CLPX: variants seen among roughly 807,000 people sequenced by gnomAD.
CLPX encodes the protein ATP-dependent clpX-like chaperone, mitochondrial.
Under a neutral mutation model 76.4 loss-of-function variants are expected in CLPX, and 34 were observed. That is an observed-to-expected ratio of 0.45 (90% CI 0.34 to 0.59). The LOEUF (loss-of-function observed/expected upper bound fraction) is 0.59, where lower values mean the gene tolerates loss of function less well. Among genes scored for constraint, CLPX ranks in the 20% least tolerant of loss-of-function variants. CLPX has a pLI of 0.01. For missense variants in CLPX, 613 were observed against 757.0 expected (o/e 0.81, Z 2.23); for synonymous variants, 248 against 270.9 (o/e 0.92, Z 0.83).
In CLPX at chr15:65,149,084, C is replaced by T. The variant is rs2140602359; in HGVS notation, c.*1739G>A. 1 of 152,310 alleles carries T rather than the reference C, an allele frequency of 6.6e-6. No homozygotes were observed. Among genetic ancestry groups the T allele is most frequent in the Middle Eastern group, 3.4e-3 (1 of 294 alleles). 9.4% of individuals were successfully genotyped at this position (152,310 alleles called of 1,614,324 possible). A position where few individuals can be genotyped will look rare whatever the true frequency, so the allele number is the denominator to read the frequency against. On this transcript the variant is annotated 3_prime_UTR_variant, in exon 14 of 14. Coordinates refer to ENST00000300107, the MANE Select transcript of CLPX (RefSeq NM_006660.5). ...CCAAAAAACAAAACAAAAAAACTAG[C>T]TCAATACTTCAGGTTAAATACACAA...
intron 8 of CLPX, among the ~76,000 whole-genome samples, chr15:65,157,407 T>C (rs1195349597): frequency 3.9e-5 from 6 of 152,052 alleles, no homozygotes; most frequent in Admixed American, 2.0e-4. Flanking sequence ...GTTTCTAGAG[T>C]CATCTGGTAC....
intron 3 of CLPX, among the ~76,000 whole-genome samples, chr15:65,168,308 C>T (rs906270902): frequency 2.6e-4 from 33 of 125,766 alleles, no homozygotes; most frequent in African/African-American, 9.3e-4. Flanking sequence ...GGTATGAACC[C>T]GGGAGGTGGA....
intron 2 of CLPX, among the ~76,000 whole-genome samples, 162 bp from the exon 3 acceptor site, chr15:65,179,213 T>A (rs1401760571): frequency 6.6e-6 from 1 of 152,246 alleles, no homozygotes; most frequent in African/African-American, 2.4e-5. Flanking sequence ...TGTCAGAAGA[T>A]CTATTTACTT....
At position 65,161,688 on chromosome 15, in the gene CLPX, AT is replaced by A. The variant is rs957053454; in HGVS notation, c.715+915del. Among the ~76,000 whole-genome samples the A allele has an allele frequency of 1.5e-4, 23 of 152,116 alleles. No individual in the cohort carries two copies. The East Asian group carries it at 2.5e-3, about 17-fold the overall frequency. ...TGGTATTGACTGCATATCTGAATAT[AT>A]TTTTTTATTATGAAATAAATTACAT... On this transcript the variant is annotated intron_variant, in intron 6 of 13. Transcript: ENST00000300107.
chr15:65,163,739 G>A (rs1046629581), intron 5 of CLPX, among the ~76,000 whole-genome samples: 2 of 152,002 alleles, frequency 1.3e-5, no homozygotes, highest in South Asian at 2.1e-4. Flanking sequence ...CCCCCGCCTC[G>A]GCCTCCAAAC....
rs2087683016 is a variant in CLPX at position 65,148,734 on chromosome 15, A to C, written c.*2089T>G. 7.1e-6 allele frequency: 1 copy of C among 141,038 alleles called. No homozygotes were observed. The highest frequency in any genetic ancestry group is 2.3e-4 in the South Asian group (1 of 4,376). 8.7% of individuals were successfully genotyped at this position (141,038 alleles called of 1,614,324 possible). A position where few individuals can be genotyped will look rare whatever the true frequency, so the allele number is the denominator to read the frequency against. ...AAAGGAAAGCTCGAGTCTATAAACCAAAAAAAAAAACCCACAAATATTTAC... is the reference window on the plus strand; with the variant it reads ...AAAGGAAAGCTCGAGTCTATAAACCCAAAAAAAAAACCCACAAATATTTAC... On this transcript the variant is annotated 3_prime_UTR_variant, in exon 14 of 14. Coordinates refer to ENST00000300107, the MANE Select transcript of CLPX (RefSeq NM_006660.5).
chr15:65,183,851 C>T (rs1271811779), intron 1 of CLPX, among the ~76,000 whole-genome samples: 1 of 152,220 alleles, frequency 6.6e-6, no homozygotes, highest in Non-Finnish European at 1.5e-5. Context: ...AGGCCTGACA[C>T]ACAGTGGACC....
At chr15:65,171,257 GC>G (rs1322046932) in intron 3 of CLPX, among the ~76,000 whole-genome samples, 1 of 151,942 alleles carries the variant, frequency 6.6e-6, no homozygotes, top group Non-Finnish European at 1.5e-5. Flanking sequence ...GACCAGCCTA[GC>G]CAACATAGTG....
intron 1 of CLPX, among the ~76,000 whole-genome samples, chr15:65,181,035 C>A (rs952322723): frequency 8.6e-5 from 13 of 151,540 alleles, no homozygotes; most frequent in Non-Finnish European, 1.6e-4. Context: ...CCTGTCTCTA[C>A]TAAAAATACA....
At chr15:65,181,109 G>A (rs893521888) in intron 1 of CLPX, among the ~76,000 whole-genome samples, 19 of 150,620 alleles carry the variant, frequency 1.3e-4, no homozygotes, top group Admixed American at 1.2e-3. Context: ...TGAGGCAGGC[G>A]AATTGCTTGA....
intron 3 of CLPX, among the ~76,000 whole-genome samples, chr15:65,177,159 C>T (rs922743042): frequency 5.9e-5 from 9 of 151,950 alleles, no homozygotes; most frequent in Non-Finnish European, 1.0e-4. Context: ...ACCTCCACCT[C>T]CCAGGTTCAA....
Position 65,185,119 on chromosome 15 carries a change from G to A in CLPX, c.35C>T (p.Ala12Val). The A allele has an allele frequency of 6.3e-7, 1 of 1,580,840 alleles. No homozygotes were observed. The highest frequency in any genetic ancestry group is 8.6e-7 in the Non-Finnish European group (1 of 1,164,126). ...TGAGGAGGTGATGAGCCGGACGGCC[G>A]CCGCGCCGCAAGTACAAGCACCGCA... ...PSCGACTCGAAAVRLITSSLA... is the reference protein window; with the variant it reads ...PSCGACTCGAVAVRLITSSLA... The change falls in exon 1 of 14, where the codon GCG becomes GTG. Residue 12 changes from alanine to valine, a missense_variant. By Grantham distance (64) the Ala-to-Val change is moderately conservative. Transcript: ENST00000300107.
At chr15:65,159,069 A>G (rs1016913766) in intron 6 of CLPX, among the ~76,000 whole-genome samples, 1 of 152,210 alleles carries the variant, frequency 6.6e-6, no homozygotes, top group African/African-American at 2.4e-5. Context: ...AGAAAGCTTT[A>G]GCTCTGGACC....
intron 3 of CLPX, among the ~76,000 whole-genome samples, chr15:65,170,404 AC>A (rs963802698): frequency 2.0e-5 from 3 of 152,136 alleles, no homozygotes; most frequent in African/African-American, 7.2e-5. Flanking sequence ...GGAACACTGC[AC>A]TAGCAAGCAC....
chr15:65,180,020 A>G, intron 2 of CLPX, 24 bp downstream of exon 2: 1 of 1,575,668 alleles, frequency 6.3e-7, no homozygotes, highest in Middle Eastern at 1.7e-4. Flanking sequence ...ATGTGTACAG[A>G]TGCCAATAAG....
intron 3 of CLPX, among the ~76,000 whole-genome samples, chr15:65,175,233 G>A (rs954996728): frequency 6.6e-6 from 1 of 152,074 alleles, no homozygotes; most frequent in African/African-American, 2.4e-5. Context: ...CACCTGTAAT[G>A]CCAGCACTTT....
chr15:65,168,242 G>A (rs548095305), intron 3 of CLPX, among the ~76,000 whole-genome samples: 2 of 151,052 alleles, frequency 1.3e-5, no homozygotes, highest in South Asian at 2.1e-4. Flanking sequence ...AAATTAGCTG[G>A]GTGTGGTGGT....
Position 65,149,477 on chromosome 15 carries a change from A to T in CLPX, c.*1346T>A, listed in dbSNP as rs1463130527. 2.8e-6 allele frequency: 1 copy of T among 359,332 alleles called. No homozygotes were observed. Among genetic ancestry groups the T allele is most frequent in the Non-Finnish European group, 5.4e-6 (1 of 184,580 alleles). 22.3% of individuals were successfully genotyped at this position (359,332 alleles called of 1,614,324 possible). A position where few individuals can be genotyped will look rare whatever the true frequency, so the allele number is the denominator to read the frequency against. Reference sequence around the variant, plus strand: ...GTGACACAGCGAGACTCTGTCTCAAAAAAATAAAATAAAATAGATATATAA... The same window carrying T: ...GTGACACAGCGAGACTCTGTCTCAATAAAATAAAATAAAATAGATATATAA... On this transcript the variant is annotated 3_prime_UTR_variant, in exon 14 of 14. Coordinates refer to ENST00000300107, the MANE Select transcript of CLPX (RefSeq NM_006660.5).
intron 3 of CLPX, among the ~76,000 whole-genome samples, chr15:65,169,777 C>T (rs1294615259): frequency 1.3e-5 from 2 of 148,584 alleles, no homozygotes; most frequent in African/African-American, 2.5e-5. Flanking sequence ...TTTTTTGAGA[C>T]AGAGTTTCGC....
Sources: gnomAD v4.1 joint callset for allele counts (sites outside exome capture counted in the v4.1 genomes callset) on GRCh38, gnomAD v4.1.1 for gene constraint, MANE v1.5 for transcripts, NCBI Gene and HGNC (gene_info 2026-07-23, HGNC 2026-07-21) for gene names.